Variants in WDR88 observed in about 807,000 individuals in gnomAD.
WDR88 encodes the protein WD repeat-containing protein 88.
Under a neutral mutation model 46.8 loss-of-function variants are expected in WDR88, and 40 were observed. The observed-to-expected ratio is 0.86, with a 90% CI of 0.66 to 1.11. WDR88 has a LOEUF of 1.11. Among genes scored for constraint, WDR88 ranks in the 50% most tolerant of loss-of-function variants. The pLI is 0.00. For synonymous variants in WDR88, 235 were observed against 240.7 expected (o/e 0.98, Z 0.22); for missense variants, 562 against 602.4 (o/e 0.93, Z 0.70).
At chr19:33,144,430 C>T (rs1973467581) in intron 2 of WDR88, among the ~76,000 whole-genome samples, 1 of 152,100 alleles carries the variant, frequency 6.6e-6, no homozygotes, top group East Asian at 1.9e-4. Flanking sequence ...GAACTCCTGA[C>T]CTCAGGTGAT....
chr19:33,135,811 T>C (rs1973252838), intron 1 of WDR88, among the ~76,000 whole-genome samples: 1 of 152,238 alleles, frequency 6.6e-6, no homozygotes, highest in Non-Finnish European at 1.5e-5. Flanking sequence ...CAACACTTGT[T>C]ATGGGACTTT....
At chr19:33,132,683 G>T (rs2145352430) in intron 1 of WDR88, among the ~76,000 whole-genome samples, 1 of 152,328 alleles carries the variant, frequency 6.6e-6, no homozygotes, top group South Asian at 2.1e-4. Flanking sequence ...GGGGAACCAG[G>T]ACTCTTCGCT....
intron 5 of WDR88, among the ~76,000 whole-genome samples, chr19:33,149,396 T>C (rs1973586850): frequency 6.6e-6 from 1 of 152,094 alleles, no homozygotes; most frequent in African/African-American, 2.4e-5. Flanking sequence ...CTTCAGTTAA[T>C]GCTTTTCCAT....
intron 8 of WDR88, among the ~76,000 whole-genome samples, chr19:33,161,126 T>C (rs1452996287): frequency 2.6e-5 from 4 of 152,218 alleles, no homozygotes; most frequent in African/African-American, 9.6e-5. Flanking sequence ...TGGGCCAAGA[T>C]TGTGCCACTG....
At chr19:33,132,744 C>A (rs1973155623) in intron 1 of WDR88, among the ~76,000 whole-genome samples, 1 of 152,198 alleles carries the variant, frequency 6.6e-6, no homozygotes, top group Non-Finnish European at 1.5e-5. Flanking sequence ...TTGGAGTCTC[C>A]GTAGGTAGGC....
intron 5 of WDR88, 121 bp from the exon 6 acceptor site, chr19:33,151,060 A>G (rs1973623988): frequency 1.0e-5 from 12 of 1,161,188 alleles, no homozygotes; most frequent in African/African-American, 3.1e-5. Context: ...GCAGGTGTGT[A>G]GCTCCTGATG....
chr19:33,140,611 G>A (rs561583887), intron 2 of WDR88, among the ~76,000 whole-genome samples: 9 of 152,242 alleles, frequency 5.9e-5, no homozygotes, highest in African/African-American at 2.2e-4. Context: ...CCAATGTGGT[G>A]AAACCCCGTC....
chr19:33,175,793 TG>T lies in WDR88; in HGVS notation c.*223del. 1.8e-6 allele frequency: 1 copy of T among 554,790 alleles called. No homozygotes were observed. Among genetic ancestry groups the T allele is most frequent in the Non-Finnish European group, 3.2e-6 (1 of 311,068 alleles). The allele number at this position is 554,790 out of a possible 1,614,324, so 34.4% of individuals were successfully genotyped here. A position where few individuals can be genotyped will look rare whatever the true frequency, so the allele number is the denominator to read the frequency against. The stretch of plus-strand genomic sequence containing the variant: ...TCATGCAGAATAAATCTAATTCCTT[TG>T]GAAAACAAGCGTGCATGTGCATCTG... On this transcript the variant is annotated 3_prime_UTR_variant, in exon 11 of 11. Coordinates refer to ENST00000355868, the MANE Select transcript of WDR88 (RefSeq NM_173479.4).
chr19:33,156,741 C>T (rs947782565), intron 7 of WDR88, among the ~76,000 whole-genome samples, 199 bp downstream of exon 7: 1 of 152,094 alleles, frequency 6.6e-6, no homozygotes, highest in African/African-American at 2.4e-5. Context: ...CTCAATGTGG[C>T]GTATGCAACC....
intron 8 of WDR88, among the ~76,000 whole-genome samples, chr19:33,160,743 T>A (rs963325156): frequency 5.9e-5 from 9 of 152,206 alleles, no homozygotes; most frequent in African/African-American, 2.2e-4. Context: ...GGGCAGAGCT[T>A]CCTGGAGAAG....
chr19:33,141,553 A>G (rs899549962), intron 2 of WDR88, among the ~76,000 whole-genome samples: 12 of 152,238 alleles, frequency 7.9e-5, no homozygotes, highest in South Asian at 4.1e-4. Context: ...AAATGACCAG[A>G]AAAAAGGTGG....
chr19:33,133,198 T>TAAATATAGAGAGAG (rs1555723214), intron 1 of WDR88, among the ~76,000 whole-genome samples: 5 of 79,816 alleles, frequency 6.3e-5, no homozygotes, highest in African/African-American at 1.3e-4. Context: ...TAAATAAATA[T>TAAATATAGAGAGAG]AGAGAGAGAG....
intron 4 of WDR88, among the ~76,000 whole-genome samples, chr19:33,148,564 A>G (rs1973566978): frequency 6.6e-6 from 1 of 152,080 alleles, no homozygotes; most frequent in African/African-American, 2.4e-5. Flanking sequence ...CCACAGCCTC[A>G]TAAGTAGCTG....
At position 33,175,735 on chromosome 19, in the gene WDR88, GCT is replaced by G. The variant is rs2145433652; in HGVS notation, c.*167_*168del. 1 of 705,610 alleles carries G rather than the reference GCT, an allele frequency of 1.4e-6. No individual in the cohort carries two copies. Among genetic ancestry groups the G allele is most frequent in the Non-Finnish European group, 2.4e-6 (1 of 425,466 alleles). The allele number at this position is 705,610 out of a possible 1,614,324, so 43.7% of individuals were successfully genotyped here. ...GACTCAGCACAGTGCCACCTCCTCA[GCT>G]CTCAGCTTGGGGAGTGAACACTTTC... On this transcript the variant is annotated 3_prime_UTR_variant, in exon 11 of 11. Transcript: ENST00000355868.
intron 2 of WDR88, among the ~76,000 whole-genome samples, chr19:33,138,029 G>A (rs1336620521): frequency 1.3e-5 from 2 of 151,784 alleles, no homozygotes; most frequent in Non-Finnish European, 2.9e-5. Flanking sequence ...TGGACTGAGA[G>A]TGCCACACAT....
intron 6 of WDR88, among the ~76,000 whole-genome samples, chr19:33,152,057 C>T (rs1161513063): frequency 6.6e-6 from 1 of 151,740 alleles, no homozygotes; most frequent in Admixed American, 6.6e-5. Flanking sequence ...CATAGTGAAA[C>T]CCCACCTCTA....
chr19:33,133,519 A>G (rs188323928), intron 1 of WDR88, among the ~76,000 whole-genome samples: 2 of 152,276 alleles, frequency 1.3e-5, no homozygotes, highest in African/African-American at 4.8e-5. Context: ...CTCCATCTCA[A>G]AAACAAAACA....
At chr19:33,160,554 G>C in intron 8 of WDR88, 58 bp downstream of exon 8, 2 of 1,574,070 alleles carry the variant, frequency 1.3e-6, no homozygotes, top group East Asian at 4.5e-5. Context: ...TCCTTCCTGT[G>C]CTCAATGCTG....
chr19:33,175,382 A>G lies in WDR88; in HGVS notation c.1243-14A>G, dbSNP rs1285573175. 6.2e-7 allele frequency: 1 copy of G among 1,613,298 alleles called. No individual in the cohort carries two copies. On this transcript the variant is annotated splice_polypyrimidine_tract_variant and intron_variant, in intron 10 of 10. Transcript: ENST00000355868. ...AGCACCTCCTTTCTGCTCTTTTAAAATATCCCATGTCAGTGCGAAAGATGT... is the reference window on the plus strand; with the variant it reads ...AGCACCTCCTTTCTGCTCTTTTAAAGTATCCCATGTCAGTGCGAAAGATGT...
Sources: gnomAD v4.1 joint callset for allele counts (sites outside exome capture counted in the v4.1 genomes callset) on GRCh38, gnomAD v4.1.1 for gene constraint, MANE v1.5 for transcripts, NCBI Gene and HGNC (gene_info 2026-07-23, HGNC 2026-07-21) for gene names.